PUS1: variants seen among roughly 807,000 people sequenced by gnomAD.
PUS1 encodes the protein pseudouridylate synthase 1 homolog.
A neutral mutation model predicts 38.5 loss-of-function variants in PUS1; 25 were observed. The observed-to-expected ratio is 0.65, with a 90% CI of 0.47 to 0.91. The LOEUF (loss-of-function observed/expected upper bound fraction) is 0.91. Among genes scored for constraint, PUS1 ranks in the 40% least tolerant of loss-of-function variants. The probability of loss-of-function intolerance (pLI) is 0.00; values close to 1 mark genes in which losing one functional copy is unlikely to be tolerated. For synonymous variants in PUS1, 282 were observed against 260.4 expected (o/e 1.08, Z -0.80); for missense variants, 597 against 612.3 (o/e 0.97, Z 0.26).
In PUS1 at chr12:131,941,936, C is replaced by T; in HGVS notation, c.1189C>T (p.His397Tyr). The T allele has an allele frequency of 6.2e-7, 1 of 1,613,220 alleles. No individual in the cohort carries two copies. Among genetic ancestry groups the T allele is most frequent in the East Asian group, 2.2e-5 (1 of 44,884 alleles). Reference sequence around the variant, plus strand: ...CCAGTGGCTGAGCACCTTGCCCATCCACAACTTCAGTGCCACCGCTCTCAC... The same window carrying T: ...CCAGTGGCTGAGCACCTTGCCCATCTACAACTTCAGTGCCACCGCTCTCAC... ...MAQWLSTLPI[H>Y]NFSATALTAG... is the part of the protein sequence containing the mutation. The change falls in exon 5 of 6, where the codon CAC becomes TAC. Residue 397 changes from histidine to tyrosine, a missense_variant. His to Tyr is a moderately conservative substitution (Grantham distance 83). Coordinates refer to ENST00000376649, the MANE Select transcript of PUS1 (RefSeq NM_025215.6). This position sits in a 1 kb window ranked among gnomAD's most constrained non-coding sequence, Gnocchi z 4.4.
At position 131,929,787 on chromosome 12, in the gene PUS1, G is replaced by A. The variant is rs776524302; in HGVS notation, c.65G>A (p.Arg22His). The A allele has an allele frequency of 5.5e-5, 88 of 1,588,904 alleles. No homozygotes were observed. The highest frequency in any genetic ancestry group is 6.8e-5 in the Non-Finnish European group (80 of 1,176,066). ...FGRWTLRLGP[R>H]PSCSPRMAGN... ...CGGTGGACCCTGCGCCTGGGACCGC[G>A]TCCGTCCTGGTAATGACCGCGACGC... Residue 22 changes from arginine to histidine, a missense_variant, in exon 1 of 6, where the codon CGT (arginine) becomes CAT (histidine). By Grantham distance (29) the Arg-to-His change is conservative (BLOSUM62 0). Coordinates refer to ENST00000376649, the MANE Select transcript of PUS1 (RefSeq NM_025215.6).
intron 2 of PUS1, among the ~76,000 whole-genome samples, chr12:131,931,304 G>A (rs575189123): frequency 6.6e-6 from 1 of 151,970 alleles, no homozygotes; most frequent in African/African-American, 2.4e-5. Flanking sequence ...GACTACAGGC[G>A]CTCGCCACCA....
intron 3 of PUS1, among the ~76,000 whole-genome samples, chr12:131,936,877 A>T (rs904055408): frequency 5.9e-5 from 9 of 152,078 alleles, no homozygotes; most frequent in Non-Finnish European, 8.8e-5. Context: ...AAAAAAAAAA[A>T]AAAGTATACA....
intron 4 of PUS1, chr12:131,940,780 C>G (rs946508632): frequency 1.0e-4 from 16 of 159,050 alleles, no homozygotes; most frequent in Non-Finnish European, 2.1e-4. Flanking sequence ...TGGTGTTTCA[C>G]CATGTTAGTC....
At chr12:131,939,936 G>T (rs1352117520) in intron 4 of PUS1, among the ~76,000 whole-genome samples, 1 of 151,988 alleles carries the variant, frequency 6.6e-6, no homozygotes, top group Non-Finnish European at 1.5e-5. Flanking sequence ...GATAGGTGTG[G>T]CTGGGCGTGA....
At chr12:131,939,104 CT>C (rs989303183) in intron 3 of PUS1, 68 bp from the exon 4 acceptor site, 16 of 1,006,662 alleles carry the variant, frequency 1.6e-5, no homozygotes, top group Non-Finnish European at 1.5e-6. Flanking sequence ...CGTAGTCCTT[CT>C]TTCTCAGAGA....
Position 131,941,592 on chromosome 12 carries a change from T to C in PUS1, c.845T>C (p.Ile282Thr). 6.2e-7 allele frequency: 1 copy of C among 1,614,118 alleles called. No homozygotes were observed. The highest frequency in any genetic ancestry group is 1.7e-5 in the Admixed American group (1 of 60,008). ...FVREGLEFAV[I>T]RVKGQSFMMH... ...CGGGAGGGCCTGGAGTTTGCGGTGA[T>C]CAGGGTGAAGGGCCAGAGCTTCATG... Residue 282 changes from isoleucine (I) to threonine (T), a missense_variant, in exon 5 of 6, where the codon ATC (isoleucine) becomes ACC (threonine). By Grantham distance (89) the Ile-to-Thr change is moderately conservative. Transcript: ENST00000376649. This position sits in a 1 kb window ranked among gnomAD's most constrained non-coding sequence, Gnocchi z 4.4.
At chr12:131,936,580 CAAAA>C (rs1305805181) in intron 3 of PUS1, among the ~76,000 whole-genome samples, 4 of 140,160 alleles carry the variant, frequency 2.9e-5, no homozygotes, top group Admixed American at 2.1e-4. Context: ...CAAAACAAAA[CAAAA>C]GAAACAAAAA....
Position 131,930,045 on chromosome 12 carries a change from C to T in PUS1, c.213C>T (p.Ser71=), listed in dbSNP as rs767305441. 8 of 1,450,992 alleles carry T rather than the reference C, an allele frequency of 5.5e-6. No homozygotes were observed. In the South Asian group the frequency reaches 6.0e-5, roughly 11 times the overall value. The allele number at this position is 1,450,992 out of a possible 1,614,324, so 89.9% of individuals were successfully genotyped here. A position where few individuals can be genotyped will look rare whatever the true frequency, so the allele number is the denominator to read the frequency against. The change falls in exon 2 of 6, where the codon AGC becomes AGT. Residue 71 remains serine (S), a synonymous_variant. Coordinates refer to ENST00000376649, the MANE Select transcript of PUS1 (RefSeq NM_025215.6). ...DGEHPAKKLK[S]GGDEERREKP... is the part of the protein sequence containing the mutation. ...AACATCCGGCGAAGAAGCTCAAGAGCGGTGGCGACGAGGAGCGGCGCGAGA... is the reference window on the plus strand; with the variant it reads ...AACATCCGGCGAAGAAGCTCAAGAGTGGTGGCGACGAGGAGCGGCGCGAGA...
In PUS1 at chr12:131,930,120, C is replaced by A; in HGVS notation, c.288C>A (p.Gly96=). 1.4e-6 allele frequency: 2 copies of A among 1,426,972 alleles called. No individual in the cohort carries two copies. The highest frequency in any genetic ancestry group is 1.6e-5 in the South Asian group (1 of 62,102). The allele number at this position is 1,426,972 out of a possible 1,614,324, so 88.4% of individuals were successfully genotyped here. ...TGCTCATGGCCTATTCGGGCAAGGG[C>A]TACCACGGCATGCAGGTGTGGCCGC... ...IVLLMAYSGK[G]YHGMQRNVGS... Residue 96 remains glycine, a synonymous_variant, in exon 2 of 6, where the codon GGC becomes GGA. Coordinates refer to ENST00000376649, the MANE Select transcript of PUS1 (RefSeq NM_025215.6).
chr12:131,935,242 T>G (rs1890774289), intron 3 of PUS1, among the ~76,000 whole-genome samples: 1 of 152,256 alleles, frequency 6.6e-6, no homozygotes, highest in African/African-American at 2.4e-5. Flanking sequence ...GAGAGTTCTG[T>G]GGGTCTTAAC....
At chr12:131,933,797 C>T (rs1349109338) in intron 3 of PUS1, among the ~76,000 whole-genome samples, 2 of 152,258 alleles carry the variant, frequency 1.3e-5, no homozygotes, top group South Asian at 2.1e-4. Context: ...GACAAGAGAT[C>T]GTAGAAAAAT....
chr12:131,935,230 TAG>T (rs569829291), intron 3 of PUS1, among the ~76,000 whole-genome samples: 56 of 152,362 alleles, frequency 3.7e-4, no homozygotes, highest in African/African-American at 1.3e-3. Flanking sequence ...TGGCTCAAGG[TAG>T]AGAGTTCTGT....
At position 131,939,155 on chromosome 12, in the gene PUS1, G is replaced by T; in HGVS notation, c.442-18G>T. 2 of 1,534,968 alleles carry T rather than the reference G, an allele frequency of 1.3e-6. No homozygotes were observed. The highest frequency in any genetic ancestry group is 1.2e-5 in the South Asian group (1 of 84,002). On this transcript the variant is annotated intron_variant, in intron 3 of 5. Transcript: ENST00000376649. ...CCAAGGGACCCACCTTCCGTCACCCGTTCTGCTTTGTTTACAGGGTGTGTC... is the reference window on the plus strand; with the variant it reads ...CCAAGGGACCCACCTTCCGTCACCCTTTCTGCTTTGTTTACAGGGTGTGTC...
intron 3 of PUS1, among the ~76,000 whole-genome samples, chr12:131,936,429 G>GCAC (rs1890836110): frequency 4.3e-5 from 2 of 46,480 alleles, no homozygotes; most frequent in African/African-American, 7.4e-5. Flanking sequence ...CAGGTGTGGT[G>GCAC]GTGCACGCCT....
chr12:131,942,522 T>A (rs1044264373), intron 5 of PUS1, among the ~76,000 whole-genome samples: 9 of 152,148 alleles, frequency 5.9e-5, no homozygotes, highest in Admixed American at 1.3e-4. Flanking sequence ...TTCTCCTGCC[T>A]CAGCCTCCCG....
intron 2 of PUS1, 76 bp downstream of exon 2, chr12:131,930,211 G>C: frequency 2.7e-6 from 3 of 1,105,196 alleles, no homozygotes; most frequent in Non-Finnish European, 3.6e-6. Context: ...GGTGGGTCCG[G>C]CTGGGTTTAG....
At chr12:131,938,313 T>G (rs1201064609) in intron 3 of PUS1, among the ~76,000 whole-genome samples, 1 of 152,070 alleles carries the variant, frequency 6.6e-6, no homozygotes, top group African/African-American at 2.4e-5. Context: ...GGCATCGTGG[T>G]GCCTGTCTGT....
At chr12:131,937,783 C>T (rs143615559) in intron 3 of PUS1, among the ~76,000 whole-genome samples, 98 of 152,200 alleles carry the variant, frequency 6.4e-4, no homozygotes, top group Admixed American at 9.8e-4. Flanking sequence ...TGGGCTCAAG[C>T]AATCTTCCTA....
Sources: allele counts gnomAD v4.1 joint callset (sites outside exome capture counted in the v4.1 genomes callset), GRCh38; gene constraint gnomAD v4.1.1; non-coding constraint Gnocchi (gnomAD v3.1); transcripts MANE v1.5; gene names NCBI Gene and HGNC (gene_info 2026-07-23, HGNC 2026-07-21).